Variants in FGR observed in about 807,000 individuals in gnomAD.
FGR encodes tyrosine-protein kinase Fgr.
In FGR, 26 loss-of-function variants were observed where a neutral mutation model predicts 63.2. The ratio of observed to expected loss-of-function variants is 0.41; its 90% CI spans 0.30 to 0.57. The LOEUF (loss-of-function observed/expected upper bound fraction) is 0.57, where lower values mean the gene tolerates loss of function less well. FGR is among the 20% of genes least tolerant of loss of function. The probability of loss-of-function intolerance (pLI) is 0.27; values close to 1 mark genes in which losing one functional copy is unlikely to be tolerated. For missense variants in FGR, 511 were observed against 690.8 expected, an observed-to-expected ratio of 0.74 and a Z score of 2.92; for synonymous variants, 286 against 277.7, an observed-to-expected ratio of 1.03 and a Z score of -0.30.
intron 3 of FGR, 25 bp from the exon 4 acceptor site, chr1:27,623,169 G>A: frequency 1.3e-6 from 2 of 1,578,854 alleles, no homozygotes; most frequent in East Asian, 2.2e-5. Flanking sequence ...CTACTCAGCA[G>A]GGTAGGGCAT....
rs2089717689 is a variant in FGR, at chr1:27,612,714, G to C, written c.*200C>G. ...AGAAATAGTGCTTGGGGCCAGAGCG[G>C]ATGAGAGATCAGCTCTGGGCCTCCT... On this transcript the variant is annotated 3_prime_UTR_variant, in exon 13 of 13. Coordinates refer to ENST00000374005, the MANE Select transcript of FGR (RefSeq NM_005248.3). 2 of 585,476 alleles carry C rather than the reference G, an allele frequency of 3.4e-6. No individual in the cohort carries two copies. Among genetic ancestry groups the C allele is most frequent in the Non-Finnish European group, 6.1e-6 (2 of 327,774 alleles). 36.3% of individuals were successfully genotyped at this position (585,476 alleles called of 1,614,324 possible).
rs781106373 is a variant in FGR at position 27,615,783 on chromosome 1, C to A, written c.744G>T (p.Thr248=). The stretch of plus-strand genomic sequence containing the variant: ...CCCAGGCGTCCTTGGCCAGGCCCAG[C>A]GTCTGCGGCTTCATGATGGTGCAGG... The part of the protein sequence containing the change: ...IAPCTIMKPQ[T]LGLAKDAWEI... The change falls in exon 8 of 13, where the codon ACG becomes ACT. Residue 248 remains threonine (T), a synonymous_variant. Transcript: ENST00000374005. The surrounding 1 kb of genome is among the most constrained non-coding windows in gnomAD (Gnocchi z 7.6). The A allele has an allele frequency of 6.2e-7, 1 of 1,602,050 alleles. No homozygotes were observed. The highest frequency in any genetic ancestry group is 8.5e-7 in the Non-Finnish European group (1 of 1,174,398).
chr1:27,631,906 G>A (rs2090110592), intron 1 of FGR, among the ~76,000 whole-genome samples: 1 of 151,970 alleles, frequency 6.6e-6, no homozygotes, highest in Non-Finnish European at 1.5e-5. Context: ...CTGGCCGGGG[G>A]CAGGCCAGGG....
chr1:27,634,470 T>C (rs1459452176), intron 1 of FGR, among the ~76,000 whole-genome samples: 1 of 152,110 alleles, frequency 6.6e-6, no homozygotes, highest in Admixed American at 6.5e-5. Flanking sequence ...CCGCTAACGT[T>C]ACCCTGCGGG....
chr1:27,621,625 C>T lies in FGR; in HGVS notation c.362G>A (p.Ser121Asn), dbSNP rs1293721916. The T allele has an allele frequency of 1.9e-6, 3 of 1,613,834 alleles. No homozygotes were observed. The highest frequency in any genetic ancestry group is 2.5e-6 in the Non-Finnish European group (3 of 1,179,950). Residue 121 changes from serine (S) to asparagine (N), a missense_variant, in exon 5 of 13, where the codon AGC (serine) becomes AAC (asparagine). Transcript: ENST00000374005. ...GGGAATGCAGCCAGTTTTTCCGGAG[C>T]TGAGAGACCGAGCCTCCCACCAGTC... ...EGDWWEARSL[S>N]SGKTGCIPSN...
At position 27,615,591 on chromosome 1, in the gene FGR, C is replaced by G. The variant is rs2089791594; in HGVS notation, c.861G>C (p.Lys287Asn). The G allele has an allele frequency of 6.2e-7, 1 of 1,611,204 alleles. No individual in the cohort carries two copies. The highest frequency in any genetic ancestry group is 1.1e-5 in the South Asian group (1 of 91,032). The change falls in exon 9 of 13, where the codon AAG becomes AAC. Residue 287 changes from lysine to asparagine, a missense_variant. By Grantham distance (94) the Lys-to-Asn change is moderately conservative (BLOSUM62 0). Coordinates refer to ENST00000374005, the MANE Select transcript of FGR (RefSeq NM_005248.3). The surrounding 1 kb of genome is among the most constrained non-coding windows in gnomAD (Gnocchi z 7.6). ...VWLGTWNGST[K>N]VAVKTLKPGT... is the part of the protein sequence containing the mutation. Reference sequence around the variant, plus strand: ...CCGGCTTCAGCGTCTTCACCGCCACCTTAGTGCTGCCGTTCCACGTGCCTG... The same window carrying G: ...CCGGCTTCAGCGTCTTCACCGCCACGTTAGTGCTGCCGTTCCACGTGCCTG...
At chr1:27,618,674 G>A (rs528695842) in intron 5 of FGR, among the ~76,000 whole-genome samples, 17 of 152,054 alleles carry the variant, frequency 1.1e-4, no homozygotes, top group African/African-American at 3.6e-4. Flanking sequence ...TCTGAACCTC[G>A]CCTACCCGCT....
At chr1:27,634,297 C>T (rs2090147396) in intron 1 of FGR, among the ~76,000 whole-genome samples, 1 of 152,136 alleles carries the variant, frequency 6.6e-6, no homozygotes, top group Non-Finnish European at 1.5e-5. Flanking sequence ...GGGCCGAGAC[C>T]GCCGCGGGCG....
chr1:27,624,101 C>G, intron 2 of FGR, 172 bp from the exon 3 acceptor site: 2 of 572,794 alleles, frequency 3.5e-6, no homozygotes, highest in Non-Finnish European at 6.1e-6. Flanking sequence ...CCTACTGTAC[C>G]GTTCAGTCTG....
rs368379797 is a variant in FGR, at chr1:27,615,816, G to A, written c.711C>T (p.Leu237=). The A allele has an allele frequency of 3.9e-5, 62 of 1,597,356 alleles. No homozygotes were observed. Among genetic ancestry groups the A allele is most frequent in the Non-Finnish European group, 4.9e-5 (58 of 1,171,998 alleles). ...GCTTCATGATGGTGCAGGGCGCGAT[G>A]AGCAGGTTGCACAGCCCGTCATTCA... ...MEVNDGLCNL[L]IAPCTIMKPQ... Residue 237 remains leucine (L), a synonymous_variant, in exon 8 of 13, where the codon CTC becomes CTT. Coordinates refer to ENST00000374005, the MANE Select transcript of FGR (RefSeq NM_005248.3). The surrounding 1 kb of genome is among the most constrained non-coding windows in gnomAD (Gnocchi z 7.6).
intron 1 of FGR, among the ~76,000 whole-genome samples, chr1:27,627,479 T>C (rs1197277871): frequency 2.2e-5 from 3 of 137,424 alleles, no homozygotes; most frequent in African/African-American, 8.9e-5. Flanking sequence ...CACACACACA[T>C]CCTCTATAAA....
Position 27,615,041 on chromosome 1 carries a change from A to C in FGR, c.1019-115T>G. Reference sequence around the variant, plus strand: ...CACCTGGACCCGCCCCTCACTTAGGACCCCGCGGGTGCCTCAACCCCTCAC... The same window carrying C: ...CACCTGGACCCGCCCCTCACTTAGGCCCCCGCGGGTGCCTCAACCCCTCAC... On this transcript the variant is annotated intron_variant, in intron 9 of 12. Coordinates refer to ENST00000374005, the MANE Select transcript of FGR (RefSeq NM_005248.3). The surrounding 1 kb of genome is among the most constrained non-coding windows in gnomAD (Gnocchi z 7.6). 1.3e-6 allele frequency: 1 copy of C among 764,130 alleles called. No individual in the cohort carries two copies. 47.3% of individuals were successfully genotyped at this position (764,130 alleles called of 1,614,324 possible).
rs1390101143 is a variant in FGR at position 27,615,877 on chromosome 1, T to A, written c.683-33A>T. The A allele has an allele frequency of 6.5e-7, 1 of 1,537,774 alleles. No individual in the cohort carries two copies. Among genetic ancestry groups the A allele is most frequent in the African/African-American group, 1.4e-5 (1 of 73,148 alleles). ...AGGGGTCATGAAGTAGAGTCACAGG[T>A]GGGCCAGGACACCCCCCTCCACTCC... On this transcript the variant is annotated intron_variant, in intron 7 of 12. Coordinates refer to ENST00000374005, the MANE Select transcript of FGR (RefSeq NM_005248.3). This position sits in a 1 kb window ranked among gnomAD's most constrained non-coding sequence, Gnocchi z 7.6.
intron 1 of FGR, among the ~76,000 whole-genome samples, chr1:27,628,823 G>A (rs777909399): frequency 3.9e-5 from 6 of 152,192 alleles, no homozygotes; most frequent in Non-Finnish European, 7.3e-5. Context: ...AGGACTGACC[G>A]TGTCGTCAGC....
At chr1:27,620,449 A>G (rs561652258) in intron 5 of FGR, among the ~76,000 whole-genome samples, 1 of 152,024 alleles carries the variant, frequency 6.6e-6, no homozygotes, top group Non-Finnish European at 1.5e-5. Context: ...TTCTGCTTCT[A>G]TAAAAAAATA....
chr1:27,624,414 T>C (rs1481227791), intron 2 of FGR, among the ~76,000 whole-genome samples: 1 of 152,120 alleles, frequency 6.6e-6, no homozygotes, highest in South Asian at 2.1e-4. Context: ...TTTGTTTGAT[T>C]TTTAGTAGAG....
chr1:27,621,611 C>T lies in FGR; in HGVS notation c.376G>A (p.Gly126Ser). The T allele has an allele frequency of 6.2e-7, 1 of 1,613,932 alleles. No individual in the cohort carries two copies. The highest frequency in any genetic ancestry group is 8.5e-7 in the Non-Finnish European group (1 of 1,179,952). The change falls in exon 5 of 13, where the codon GGC (glycine) becomes AGC (serine). Residue 126 changes from glycine to serine, a missense_variant. By Grantham distance (56) the Gly-to-Ser change is moderately conservative (BLOSUM62 0). Transcript: ENST00000374005. ...GCCACGTAGTTGCTGGGAATGCAGC[C>T]AGTTTTTCCGGAGCTGAGAGACCGA... ...EARSLSSGKT[G>S]CIPSNYVAPV...
chr1:27,618,560 A>G (rs2089859538), intron 5 of FGR, among the ~76,000 whole-genome samples: 1 of 152,016 alleles, frequency 6.6e-6, no homozygotes, highest in African/African-American at 2.4e-5. Context: ...ATGTGGACAC[A>G]AGCATGAAGC....
At chr1:27,633,304 T>C (rs2090132416) in intron 1 of FGR, among the ~76,000 whole-genome samples, 1 of 152,258 alleles carries the variant, frequency 6.6e-6, no homozygotes, top group Non-Finnish European at 1.5e-5. Context: ...CATCTTCCCA[T>C]CTGTGAAGTG....
Sources: allele counts gnomAD v4.1 joint callset (sites outside exome capture counted in the v4.1 genomes callset), GRCh38; gene constraint gnomAD v4.1.1; non-coding constraint Gnocchi (gnomAD v3.1); transcripts MANE v1.5; gene names NCBI Gene and HGNC (gene_info 2026-07-23, HGNC 2026-07-21).